Variants in SDK1 observed in about 807,000 individuals in gnomAD.
SDK1 encodes protein sidekick-1.
SDK1 carries 157 observed loss-of-function variants against 245.5 expected under a neutral mutation model. That is an observed-to-expected ratio of 0.64 (90% confidence interval 0.56 to 0.73). The LOEUF (loss-of-function observed/expected upper bound fraction) is 0.73, where lower values mean the gene tolerates loss of function less well. Among genes scored for constraint, SDK1 ranks in the 30% least tolerant of loss-of-function variants. SDK1 has a pLI of 0.00. For missense variants in SDK1, 3,583 were observed against 3,002.3 expected (o/e 1.19, Z -4.52); for synonymous variants, 1,647 against 1,278.5 (o/e 1.29, Z -6.15).
At chr7:4,213,393 C>A (rs1453043363) in intron 38 of SDK1, among the ~76,000 whole-genome samples, 1 of 146,880 alleles carries the variant, frequency 6.8e-6, no homozygotes, top group Non-Finnish European at 1.5e-5. Flanking sequence ...GCTTGGGCGA[C>A]AGAGCAAGAC....
At position 4,080,187 on chromosome 7, in the gene SDK1, G is replaced by T. The variant is rs1262702975; in HGVS notation, c.3324+603G>T. Among the ~76,000 whole-genome samples the T allele has an allele frequency of 2.0e-5, 3 of 152,096 alleles. No individual in the cohort carries two copies. In the South Asian group the frequency reaches 6.2e-4, roughly 32 times the overall value. On this transcript the variant is annotated intron_variant, in intron 22 of 44. Coordinates refer to ENST00000404826, the MANE Select transcript of SDK1 (RefSeq NM_152744.4). ...CAAGCCCTGCGGTGGCAGGGAGTGAGTCTGGGGAGAGCTGGGGGCGGGTTC... is the reference window on the plus strand; with the variant it reads ...CAAGCCCTGCGGTGGCAGGGAGTGATTCTGGGGAGAGCTGGGGGCGGGTTC...
chr7:3,635,045 G>A (rs1782412957), intron 2 of SDK1, among the ~76,000 whole-genome samples: 1 of 152,132 alleles, frequency 6.6e-6, no homozygotes. Context: ...AAAAACTTTT[G>A]TTGACTTTGT....
intron 44 of SDK1, among the ~76,000 whole-genome samples, chr7:4,253,224 G>A (rs114751130): frequency 3.9e-5 from 6 of 151,972 alleles, no homozygotes; most frequent in Admixed American, 3.3e-4. Flanking sequence ...AGTTTATGTT[G>A]TTGATTTGAG....
chr7:3,870,730 T>C (rs1371046396), intron 5 of SDK1, among the ~76,000 whole-genome samples: 1 of 152,238 alleles, frequency 6.6e-6, no homozygotes, highest in Non-Finnish European at 1.5e-5. Context: ...TTAACATTGG[T>C]ACATTACCAT....
chr7:4,025,626 G>A (rs1667194776), intron 17 of SDK1, among the ~76,000 whole-genome samples: 1 of 152,194 alleles, frequency 6.6e-6, no homozygotes, highest in South Asian at 2.1e-4. Flanking sequence ...GGCTGTGTCT[G>A]ATTTGTCTTT....
At chr7:3,804,912 A>C (rs974144972) in intron 4 of SDK1, among the ~76,000 whole-genome samples, 19 of 152,234 alleles carry the variant, frequency 1.2e-4, no homozygotes, top group Non-Finnish European at 2.1e-4. Context: ...TGGTCGAAGG[A>C]CACAAAATTT....
At chr7:3,357,162 C>G (rs536597317) in intron 1 of SDK1, among the ~76,000 whole-genome samples, 1 of 149,870 alleles carries the variant, frequency 6.7e-6, no homozygotes, top group South Asian at 2.1e-4. Context: ...CTTGAAGTAT[C>G]TCTTTCTTTT....
intron 25 of SDK1, among the ~76,000 whole-genome samples, chr7:4,125,458 AATGG>A (rs1784332966): frequency 7.0e-6 from 1 of 142,532 alleles, no homozygotes; most frequent in Admixed American, 7.0e-5. Flanking sequence ...TGAATGGATG[AATGG>A]ATGGATGGAT....
intron 16 of SDK1, among the ~76,000 whole-genome samples, chr7:4,012,732 C>T (rs1332062478): frequency 6.6e-6 from 1 of 151,674 alleles, no homozygotes; most frequent in Non-Finnish European, 1.5e-5. Flanking sequence ...TGCCACCACA[C>T]CTGGCTAATT....
intron 13 of SDK1, among the ~76,000 whole-genome samples, chr7:3,975,821 A>G (rs919400616): frequency 6.6e-6 from 1 of 152,228 alleles, no homozygotes; most frequent in Non-Finnish European, 1.5e-5. Flanking sequence ...GTTAGTTAGG[A>G]AGCGGCAGGA....
intron 5 of SDK1, among the ~76,000 whole-genome samples, chr7:3,847,143 C>T (rs1181307895): frequency 2.0e-5 from 3 of 152,002 alleles, no homozygotes; most frequent in South Asian, 2.1e-4. Context: ...CTCTCACGTA[C>T]ACCTGAAACC....
At chr7:4,122,093 TGG>T (rs1169209483) in intron 25 of SDK1, among the ~76,000 whole-genome samples, 1 of 152,084 alleles carries the variant, frequency 6.6e-6, no homozygotes, top group Non-Finnish European at 1.5e-5. Context: ...TCCTACCACC[TGG>T]GGAATCTCAG....
chr7:3,580,990 A>AAAAACCAAAAC (rs1272208821), intron 1 of SDK1, among the ~76,000 whole-genome samples: 1 of 138,090 alleles, frequency 7.2e-6, no homozygotes, highest in South Asian at 2.6e-4. Flanking sequence ...AAAAAAAAAA[A>AAAAACCAAAAC]AAAACCAAAA....
chr7:4,178,424 C>T, intron 34 of SDK1, 61 bp from the exon 35 acceptor site: 1 of 1,278,108 alleles, frequency 7.8e-7, no homozygotes, highest in Non-Finnish European at 1.1e-6. Flanking sequence ...ATAGGGGGAA[C>T]TTTGGAGAAA....
At chr7:3,536,191 T>G (rs1962103) in intron 1 of SDK1, among the ~76,000 whole-genome samples, 108,052 of 150,794 alleles carry the variant, frequency 0.72, 38,970 homozygotes, top group South Asian at 0.82. Flanking sequence ...CAAGTAGCTG[T>G]GACTACAGGC....
intron 17 of SDK1, among the ~76,000 whole-genome samples, chr7:4,046,601 A>T (rs1789030433): frequency 1.3e-5 from 2 of 152,166 alleles, no homozygotes; most frequent in Admixed American, 6.5e-5. Context: ...CCAGTGATAT[A>T]TGTGTGAGTA....
chr7:3,932,330 C>A (rs776052065), intron 5 of SDK1, among the ~76,000 whole-genome samples: 5 of 152,114 alleles, frequency 3.3e-5, no homozygotes, highest in Non-Finnish European at 7.3e-5. Flanking sequence ...CTCTCTCTGT[C>A]GTCAACTTTA....
At chr7:3,577,349 A>G (rs1780327076) in intron 1 of SDK1, among the ~76,000 whole-genome samples, 2 of 152,078 alleles carry the variant, frequency 1.3e-5, no homozygotes, top group South Asian at 4.1e-4. Context: ...AAGGATAGGT[A>G]TCCAGGCCAA....
At chr7:4,000,131 G>A (rs1011701554) in intron 14 of SDK1, among the ~76,000 whole-genome samples, 1 of 152,182 alleles carries the variant, frequency 6.6e-6, no homozygotes, top group African/African-American at 2.4e-5. Flanking sequence ...TGGGAAGGAG[G>A]GGGCCCAAGA....
Sources: allele counts gnomAD v4.1 joint callset (sites outside exome capture counted in the v4.1 genomes callset), GRCh38; gene constraint gnomAD v4.1.1; transcripts MANE v1.5; gene names NCBI Gene and HGNC (gene_info 2026-07-23, HGNC 2026-07-21).